The following PARD3B variants were observed in gnomAD, a reference collection of about 807,000 sequenced individuals.
The protein encoded by PARD3B is par-3 family cell polarity regulator beta.
In PARD3B, 103 loss-of-function variants were observed where a neutral mutation model predicts 130.2. That is an observed-to-expected ratio of 0.79 (90% CI 0.67 to 0.93). The LOEUF (loss-of-function observed/expected upper bound fraction) is 0.93. Ranked by LOEUF, PARD3B falls within the 40% of genes least tolerant of loss-of-function variation. The pLI is 0.00. For missense variants in PARD3B, 1,609 were observed against 1,499.2 expected (o/e 1.07, Z -1.21); for synonymous variants, 583 against 553.2 (o/e 1.05, Z -0.76).
rs368729049 is a variant in PARD3B, at chr2:205,400,962, G to A, written c.2631-51G>A. 5.5e-5 allele frequency: 76 copies of A among 1,370,292 alleles called. 1 individual carries two copies. The highest frequency in any genetic ancestry group is 6.5e-5 in the Non-Finnish European group (64 of 982,484). The allele number at this position is 1,370,292 out of a possible 1,614,324, so 84.9% of individuals were successfully genotyped here. A position where few individuals can be genotyped will look rare whatever the true frequency, so the allele number is the denominator to read the frequency against. ...ATCCCATAAATATCTTAGCTCTACC[G>A]CAAAAACAATGTGATTATTGTTAAC... is the stretch of plus-strand genomic sequence containing the variant. On this transcript the variant is annotated intron_variant, in intron 18 of 22. Coordinates refer to ENST00000406610, the MANE Select transcript of PARD3B (RefSeq NM_001302769.2).
In PARD3B at chr2:204,663,875, T is replaced by G. The variant is rs573276345; in HGVS notation, c.121-22306T>G. Among the ~76,000 whole-genome samples the G allele has an allele frequency of 1.4e-4, 21 of 152,356 alleles. No individual in the cohort carries two copies. In the East Asian group the frequency reaches 4.0e-3, roughly 29 times the overall value. ...ACGGTTGCATTATTATAGTGTGAAT[T>G]CATGCCCCCATGATTTTAAAAAGTG... is the stretch of plus-strand genomic sequence containing the variant. On this transcript the variant is annotated intron_variant, in intron 1 of 22. Transcript: ENST00000406610.
intron 15 of PARD3B, among the ~76,000 whole-genome samples, chr2:205,197,023 T>TGGGG (rs5837962): frequency 1.4e-4 from 18 of 130,738 alleles, no homozygotes; most frequent in South Asian, 5.2e-4. Flanking sequence ...GCTTCCACTG[T>TGGGG]GGGGGGGGGG....
At chr2:204,877,859 T>C (rs1253433569) in intron 2 of PARD3B, among the ~76,000 whole-genome samples, 2 of 152,208 alleles carry the variant, frequency 1.3e-5, no homozygotes, top group Non-Finnish European at 2.9e-5. Flanking sequence ...TTGTTGTTCA[T>C]TTCAGAGAGA....
At chr2:205,439,651 G>C (rs1386822151) in intron 19 of PARD3B, among the ~76,000 whole-genome samples, 1 of 152,132 alleles carries the variant, frequency 6.6e-6, no homozygotes, top group African/African-American at 2.4e-5. Context: ...TATCACTTAA[G>C]GCTTTAGCAC....
In PARD3B at chr2:205,532,191, T is replaced by G. The variant is rs2051627731; in HGVS notation, c.3181-21133T>G. Among the ~76,000 whole-genome samples, 4 of 152,196 alleles carry G rather than the reference T, an allele frequency of 2.6e-5. No homozygotes were observed. The South Asian group carries it at 8.3e-4, about 32-fold the overall frequency. On this transcript the variant is annotated intron_variant, in intron 21 of 22. Coordinates refer to ENST00000406610, the MANE Select transcript of PARD3B (RefSeq NM_001302769.2). ...GAGGTGCAAAGATTCATAGAAGCAG[T>G]GCTTACTTCTTCATCCGTTAAAAAA...
At chr2:205,560,952 G>A (rs924048600) in intron 22 of PARD3B, among the ~76,000 whole-genome samples, 2 of 152,162 alleles carry the variant, frequency 1.3e-5, no homozygotes, top group African/African-American at 4.8e-5. Flanking sequence ...CGCCATAAGA[G>A]CATGCTTCCA....
intron 3 of PARD3B, among the ~76,000 whole-genome samples, chr2:204,978,074 A>G (rs1292142836): frequency 6.6e-6 from 1 of 152,130 alleles, no homozygotes; most frequent in Admixed American, 6.5e-5. Context: ...CCTGATGGCT[A>G]CATTCAAAAG....
At chr2:205,231,083 A>G (rs1309737555) in intron 15 of PARD3B, among the ~76,000 whole-genome samples, 1 of 152,030 alleles carries the variant, frequency 6.6e-6, no homozygotes, top group Non-Finnish European at 1.5e-5. Flanking sequence ...TTTTTCAGTG[A>G]TATGAAGTAA....
intron 1 of PARD3B, among the ~76,000 whole-genome samples, chr2:204,601,818 T>C (rs1349766535): frequency 6.6e-6 from 1 of 152,052 alleles, no homozygotes; most frequent in Non-Finnish European, 1.5e-5. Context: ...AGATTTCATC[T>C]ACATTATTCA....
chr2:204,553,658 A>ATG (rs1218758248), intron 1 of PARD3B, among the ~76,000 whole-genome samples: 5 of 11,114 alleles, frequency 4.5e-4, no homozygotes, highest in African/African-American at 7.9e-4. Context: ...ATCCATATAT[A>ATG]TATATATATA....
chr2:204,701,148 T>C (rs1054278258), intron 2 of PARD3B, among the ~76,000 whole-genome samples: 1 of 152,162 alleles, frequency 6.6e-6, no homozygotes, highest in Non-Finnish European at 1.5e-5. Context: ...TGATTTTCAA[T>C]ATGTATTTGG....
Position 205,589,529 on chromosome 2 carries a change from G to A in PARD3B, c.3261-25927G>A, listed in dbSNP as rs2054310014. Among the ~76,000 whole-genome samples the A allele has an allele frequency of 6.6e-6, 1 of 152,160 alleles. No individual in the cohort carries two copies. The highest frequency in any genetic ancestry group is 2.4e-5 in the African/African-American group (1 of 41,432). On this transcript the variant is annotated intron_variant, in intron 22 of 22. Transcript: ENST00000406610. This position sits in a 1 kb window ranked among gnomAD's most constrained non-coding sequence, Gnocchi z 4.1. ...GTTTCTGTGTCTGGAAGTAGGAGCAGGCTGGAAGAGATGGGCACAGTGGAA... is the reference window on the plus strand; with the variant it reads ...GTTTCTGTGTCTGGAAGTAGGAGCAAGCTGGAAGAGATGGGCACAGTGGAA...
chr2:205,027,994 A>G (rs1697154928), intron 3 of PARD3B, among the ~76,000 whole-genome samples: 1 of 152,118 alleles, frequency 6.6e-6, no homozygotes, highest in African/African-American at 2.4e-5. Context: ...ACAGTTTAAA[A>G]TCAGGGTATG....
chr2:205,613,230 T>G (rs1202923652), intron 22 of PARD3B, among the ~76,000 whole-genome samples: 1 of 152,228 alleles, frequency 6.6e-6, no homozygotes, highest in Admixed American at 6.5e-5. Context: ...GTTTGTGTGT[T>G]GCAAATGTCA....
chr2:205,611,720 G>A (rs564218497), intron 22 of PARD3B, among the ~76,000 whole-genome samples: 11 of 152,190 alleles, frequency 7.2e-5, no homozygotes, highest in Admixed American at 3.3e-4. Flanking sequence ...CCCCCTCTAC[G>A]AGTTGTAAAG....
chr2:205,375,482 C>A (rs1027897522), intron 18 of PARD3B, among the ~76,000 whole-genome samples: 5 of 152,150 alleles, frequency 3.3e-5, no homozygotes, highest in African/African-American at 1.2e-4. Context: ...GACCTTTCAG[C>A]AAGGTTTAAA....
At chr2:205,480,689 A>G (rs1213420284) in intron 20 of PARD3B, among the ~76,000 whole-genome samples, 1 of 152,182 alleles carries the variant, frequency 6.6e-6, no homozygotes, top group African/African-American at 2.4e-5. Context: ...CACTGGTAAA[A>G]CAGCCTGAAC....
At position 205,269,537 on chromosome 2, in the gene PARD3B, A is replaced by T. The variant is rs529498956; in HGVS notation, c.2185+23715A>T. Among the ~76,000 whole-genome samples, 2 of 152,052 alleles carry T rather than the reference A, an allele frequency of 1.3e-5. No homozygotes were observed. Among genetic ancestry groups the T allele is most frequent in the African/African-American group, 2.4e-5 (1 of 41,498 alleles). On this transcript the variant is annotated intron_variant, in intron 16 of 22. Transcript: ENST00000406610. This position sits in a 1 kb window ranked among gnomAD's most constrained non-coding sequence, Gnocchi z 4.7. ...TCAGGAATTTCACTGATTTTTTTTT[A>T]AAGTTCCTTCAGGGGCAATTGGGCT...
At position 205,185,796 on chromosome 2, in the gene PARD3B, A is replaced by G; in HGVS notation, c.1957A>G (p.Ser653Gly). 17 of 1,614,116 alleles carry G rather than the reference A, an allele frequency of 1.1e-5. No individual in the cohort carries two copies. Among genetic ancestry groups the G allele is most frequent in the Non-Finnish European group, 1.4e-5 (17 of 1,179,976 alleles). The change falls in exon 14 of 23, where the codon AGT becomes GGT. Residue 653 changes from serine (S) to glycine (G), a missense_variant. By Grantham distance (56) the Ser-to-Gly change is moderately conservative. Transcript: ENST00000406610. ...GCTGCCCAATGACGGATGGGCCGAG[A>G]GTGAAGTTCCACCTTCTCCAACACC... ...LLLPNDGWAE[S>G]EVPPSPTPHS...
Sources: allele counts gnomAD v4.1 joint callset (sites outside exome capture counted in the v4.1 genomes callset), GRCh38; gene constraint gnomAD v4.1.1; non-coding constraint Gnocchi (gnomAD v3.1); transcripts MANE v1.5; gene names NCBI Gene and HGNC (gene_info 2026-07-23, HGNC 2026-07-21).